Variants in R3HCC1L observed in about 807,000 individuals in gnomAD.
R3HCC1L encodes the protein coiled-coil domain-containing protein R3HCC1L.
Under a neutral mutation model 59.9 loss-of-function variants are expected in R3HCC1L, and 51 were observed. The ratio of observed to expected loss-of-function variants is 0.85; its 90% confidence interval spans 0.68 to 1.07. The LOEUF is 1.07. Among genes scored for constraint, R3HCC1L ranks in the 50% least tolerant of loss-of-function variants. The pLI, the probability that R3HCC1L is intolerant of heterozygous loss-of-function variation, is 0.00. For missense variants in R3HCC1L, 965 were observed against 933.0 expected (o/e 1.03, Z -0.45); for synonymous variants, 322 against 315.2 (o/e 1.02, Z -0.23).
intron 5 of R3HCC1L, among the ~76,000 whole-genome samples, chr10:98,215,631 C>A (rs1447359113): frequency 6.6e-6 from 1 of 152,116 alleles, no homozygotes; most frequent in Non-Finnish European, 1.5e-5. Flanking sequence ...ATCTTTGTTG[C>A]AGAATTCTTA....
At position 98,195,322 on chromosome 10, in the gene R3HCC1L, C is replaced by T. The variant is rs1397937148; in HGVS notation, c.-14-12779C>T. Among the ~76,000 whole-genome samples the T allele has an allele frequency of 3.3e-5, 5 of 152,126 alleles. No homozygotes were observed. The South Asian group carries it at 1.0e-3, about 32-fold the overall frequency. On this transcript the variant is annotated intron_variant, in intron 4 of 9. Transcript: ENST00000298999. ...GTTGCCAAGGAAATGAGGAATTGTT[C>T]AGTGAGTGTAGAGTTTCAGTCATGT...
chr10:98,226,125 C>CCACCATGCCTGGCCTGTAA (rs1855648630), intron 5 of R3HCC1L, among the ~76,000 whole-genome samples: 1 of 152,168 alleles, frequency 6.6e-6, no homozygotes, highest in African/African-American at 2.4e-5. Context: ...CAGGTCTGTG[C>CCACCATGCCTGGCCTGTAA]CACCATGCCT....
chr10:98,220,258 C>T (rs1160980791), intron 5 of R3HCC1L, among the ~76,000 whole-genome samples: 1 of 151,860 alleles, frequency 6.6e-6, no homozygotes, highest in African/African-American at 2.4e-5. Context: ...TCATTGAGGT[C>T]ATGAATTGTT....
intron 4 of R3HCC1L, among the ~76,000 whole-genome samples, chr10:98,184,029 A>G (rs1272775657): frequency 6.9e-6 from 1 of 145,100 alleles, no homozygotes; most frequent in Admixed American, 7.1e-5. Context: ...TTATGCCTGG[A>G]AATGGACATG....
At chr10:98,220,007 A>C (rs990633079) in intron 5 of R3HCC1L, among the ~76,000 whole-genome samples, 1 of 152,142 alleles carries the variant, frequency 6.6e-6, no homozygotes, top group Non-Finnish European at 1.5e-5. Context: ...CGGAACTCCC[A>C]AAATTTAAAT....
intron 4 of R3HCC1L, among the ~76,000 whole-genome samples, chr10:98,171,355 T>C (rs1848490344): frequency 6.6e-6 from 1 of 152,228 alleles, no homozygotes; most frequent in African/African-American, 2.4e-5. Context: ...TGAAGGGCAG[T>C]GCTATTCTTA....
intron 5 of R3HCC1L, among the ~76,000 whole-genome samples, chr10:98,226,743 G>T (rs1390664487): frequency 6.6e-6 from 1 of 152,226 alleles, no homozygotes; most frequent in Non-Finnish European, 1.5e-5. Context: ...GACTCCTTTT[G>T]TCCCTGGCCT....
At chr10:98,212,381 A>G (rs1853682972) in intron 5 of R3HCC1L, among the ~76,000 whole-genome samples, 1 of 152,160 alleles carries the variant, frequency 6.6e-6, no homozygotes, top group African/African-American at 2.4e-5. Context: ...ATATGGAGGT[A>G]TGTCTAATAC....
At chr10:98,164,798 G>T (rs1235447378) in intron 4 of R3HCC1L, among the ~76,000 whole-genome samples, 1 of 152,182 alleles carries the variant, frequency 6.6e-6, no homozygotes, top group East Asian at 1.9e-4. Flanking sequence ...GGGAGGGGAA[G>T]AAGTGAGAGA....
At chr10:98,174,982 G>C (rs185359579) in intron 4 of R3HCC1L, among the ~76,000 whole-genome samples, 2 of 152,102 alleles carry the variant, frequency 1.3e-5, no homozygotes, top group Non-Finnish European at 2.9e-5. Context: ...GTATCTACCC[G>C]AGTGCAGTGC....
chr10:98,192,332 A>T (rs1402987191), intron 4 of R3HCC1L, among the ~76,000 whole-genome samples: 1 of 152,142 alleles, frequency 6.6e-6, no homozygotes, highest in Non-Finnish European at 1.5e-5. Flanking sequence ...TAGGAAAATA[A>T]TAGAAAAAAG....
intron 4 of R3HCC1L, among the ~76,000 whole-genome samples, chr10:98,173,126 T>G (rs1290560513): frequency 6.6e-6 from 1 of 152,130 alleles, no homozygotes; most frequent in Non-Finnish European, 1.5e-5. Context: ...GGTGCTAATA[T>G]GAAAGGAAAG....
At chr10:98,223,750 G>A (rs1232287728) in intron 5 of R3HCC1L, among the ~76,000 whole-genome samples, 1 of 152,042 alleles carries the variant, frequency 6.6e-6, no homozygotes, top group East Asian at 1.9e-4. Flanking sequence ...GCCAGTCCTT[G>A]GACAACAGCA....
chr10:98,236,290 G>A lies in R3HCC1L; in HGVS notation c.2269+126G>A, dbSNP rs142638616. 123 of 1,268,484 alleles carry A rather than the reference G, an allele frequency of 9.7e-5. No individual in the cohort carries two copies. The African/African-American group carries it at 1.4e-3, about 15-fold the overall frequency. The allele number at this position is 1,268,484 out of a possible 1,614,324, so 78.6% of individuals were successfully genotyped here. On this transcript the variant is annotated intron_variant, in intron 9 of 9. Transcript: ENST00000298999. ...TCTGTTTCCTAGAAGCCTCCTAAGT[G>A]TATAGAAATTTTCATGCCTTACGTC...
At chr10:98,217,160 C>A (rs1036790846) in intron 5 of R3HCC1L, among the ~76,000 whole-genome samples, 3 of 152,084 alleles carry the variant, frequency 2.0e-5, no homozygotes, top group Non-Finnish European at 4.4e-5. Flanking sequence ...TCAGGTCTTA[C>A]GTTTAAGTCA....
chr10:98,159,992 G>A (rs556405332), intron 2 of R3HCC1L, among the ~76,000 whole-genome samples: 8 of 152,282 alleles, frequency 5.3e-5, no homozygotes, highest in African/African-American at 7.2e-5. Flanking sequence ...TTTATTAAAA[G>A]CAGTGAGTTT....
At chr10:98,204,511 G>C (rs1027608192) in intron 4 of R3HCC1L, among the ~76,000 whole-genome samples, 1 of 152,158 alleles carries the variant, frequency 6.6e-6, no homozygotes, top group Non-Finnish European at 1.5e-5. Context: ...ATGGCAGGCA[G>C]CCCCACTCCC....
rs1435887137 is a variant in R3HCC1L, at chr10:98,244,271, T to C, written c.*113T>C. ...CATGCAGATGTGCATGTTAAAGAGATAAAGTGATCGAGACAAGGACTGACT... is the reference window on the plus strand; with the variant it reads ...CATGCAGATGTGCATGTTAAAGAGACAAAGTGATCGAGACAAGGACTGACT... On this transcript the variant is annotated 3_prime_UTR_variant, in exon 10 of 10. Transcript: ENST00000298999. 1 of 1,027,828 alleles carries C rather than the reference T, an allele frequency of 9.7e-7. No individual in the cohort carries two copies. The highest frequency in any genetic ancestry group is 2.0e-5 in the Admixed American group (1 of 49,120). The allele number at this position is 1,027,828 out of a possible 1,614,324, so 63.7% of individuals were successfully genotyped here.
At chr10:98,180,938 T>G (rs1461894993) in intron 4 of R3HCC1L, among the ~76,000 whole-genome samples, 1 of 152,202 alleles carries the variant, frequency 6.6e-6, no homozygotes, top group Non-Finnish European at 1.5e-5. Context: ...TAAGCCTATG[T>G]GTGTCTCCGC....
Sources: gnomAD v4.1 joint callset for allele counts (sites outside exome capture counted in the v4.1 genomes callset) on GRCh38, gnomAD v4.1.1 for gene constraint, MANE v1.5 for transcripts, NCBI Gene and HGNC (gene_info 2026-07-23, HGNC 2026-07-21) for gene names.